Variants in TACC2 observed in about 807,000 individuals in gnomAD.
TACC2 encodes the protein transforming acidic coiled-coil-containing protein 2.
TACC2 carries 137 observed loss-of-function variants against 227.3 expected under a neutral mutation model. That is an observed-to-expected ratio of 0.60 (90% confidence interval 0.52 to 0.69). TACC2 has a LOEUF of 0.69. Ranked by LOEUF, TACC2 falls within the 30% of genes least tolerant of loss-of-function variation. The pLI, the probability that TACC2 is intolerant of heterozygous loss-of-function variation, is 0.00. For synonymous variants in TACC2, 1,523 were observed against 1,487.5 expected (o/e 1.02, Z -0.55); for missense variants, 3,470 against 3,694.4 (o/e 0.94, Z 1.57).
At position 122,230,258 on chromosome 10, in the gene TACC2, AT is replaced by A. The variant is rs2095710917; in HGVS notation, c.8038-89del. The stretch of plus-strand genomic sequence containing the variant: ...TTTTCCCGAGTGCCTGTCATGACAC[AT>A]TTTCGTGGCACGTTCATTTCTCGGA... On this transcript the variant is annotated intron_variant, in intron 15 of 22. Transcript: ENST00000369005. The A allele has an allele frequency of 4.6e-6, 5 of 1,091,008 alleles. No individual in the cohort carries two copies. In the South Asian group the frequency reaches 5.0e-5, roughly 11 times the overall value. 67.6% of individuals were successfully genotyped at this position (1,091,008 alleles called of 1,614,324 possible).
intron 3 of TACC2, among the ~76,000 whole-genome samples, chr10:122,077,114 C>CAA (rs973879242): frequency 0.03 from 1,989 of 66,882 alleles, 43 homozygotes; most frequent in Non-Finnish European, 0.035. Context: ...GACTCTGTCT[C>CAA]AAAAAAAAAA....
chr10:122,125,349 C>T (rs1003395040), intron 5 of TACC2, among the ~76,000 whole-genome samples: 6 of 147,182 alleles, frequency 4.1e-5, no homozygotes, highest in African/African-American at 1.5e-4. Flanking sequence ...GTGTGTGCCA[C>T]CATGCCCAGA....
At position 122,215,466 on chromosome 10, in the gene TACC2, T is replaced by C; in HGVS notation, c.7344+15T>C. 2 of 1,612,510 alleles carry C rather than the reference T, an allele frequency of 1.2e-6. No homozygotes were observed. The highest frequency in any genetic ancestry group is 1.7e-6 in the Non-Finnish European group (2 of 1,178,538). ...CACCTTCCCAGGTACAGTGTTCCTT[T>C]GATCTTGATGGTTTTATGCCCCCCC... is the stretch of plus-strand genomic sequence containing the variant. On this transcript the variant is annotated intron_variant, in intron 10 of 22. Coordinates refer to ENST00000369005, the MANE Select transcript of TACC2 (RefSeq NM_206862.4).
rs557712270 is a variant in TACC2 at position 122,062,188 on chromosome 10, A to C, written c.146+11638A>C. 2.1e-4 allele frequency among the ~76,000 whole-genome samples: 32 copies of C among 152,178 alleles called. 1 individual carries two copies. The highest frequency in any genetic ancestry group is 7.5e-4 in the African/African-American group (31 of 41,538). On this transcript the variant is annotated intron_variant, in intron 3 of 22. Transcript: ENST00000369005. ...GCTGGGACTACAGGTGCCCGCCACC[A>C]CGCCTGGCTAATTTTTTGTATTTTT...
chr10:122,236,440 C>T (rs2095858225), intron 16 of TACC2, among the ~76,000 whole-genome samples: 1 of 152,236 alleles, frequency 6.6e-6, no homozygotes, highest in East Asian at 1.9e-4. Context: ...ATGCATAGGA[C>T]TGAGAGTGTG....
chr10:122,148,640 T>C (rs1249966367), intron 7 of TACC2, among the ~76,000 whole-genome samples: 1 of 152,256 alleles, frequency 6.6e-6, no homozygotes, highest in Non-Finnish European at 1.5e-5. Flanking sequence ...GCACATCTTA[T>C]TACAGAATTG....
rs1489123846 is a variant in TACC2, at chr10:122,194,545, CCTGTGTTTTGAGCT to C, written c.5835-493_5835-480del. 6.6e-6 allele frequency among the ~76,000 whole-genome samples: 1 copy of C among 152,182 alleles called. No homozygotes were observed. Among genetic ancestry groups the C allele is most frequent in the Non-Finnish European group, 1.5e-5 (1 of 68,032 alleles). On this transcript the variant is annotated intron_variant, in intron 7 of 22. Coordinates refer to ENST00000369005, the MANE Select transcript of TACC2 (RefSeq NM_206862.4). This position sits in a 1 kb window ranked among gnomAD's most constrained non-coding sequence, Gnocchi z 4.4. Reference sequence around the variant, plus strand: ...TGTGATAAACAAGGCCGGCTGCCCTCCTGTGTTTTGAGCTCCGTAGAAGAGAAAGACAGTAAACA... The same window carrying C: ...TGTGATAAACAAGGCCGGCTGCCCTCCCGTAGAAGAGAAAGACAGTAAACA...
intron 2 of TACC2, among the ~76,000 whole-genome samples, chr10:122,049,983 G>A (rs1315637534): frequency 2.6e-5 from 4 of 152,078 alleles, no homozygotes; most frequent in Admixed American, 1.3e-4. Flanking sequence ...TTCTTCTTCC[G>A]GTTAGTTTTT....
At chr10:122,114,729 G>A (rs544692834) in intron 5 of TACC2, among the ~76,000 whole-genome samples, 1 of 152,208 alleles carries the variant, frequency 6.6e-6, no homozygotes, top group Admixed American at 6.5e-5. Flanking sequence ...TGTGATCATG[G>A]AATATGACCT....
chr10:122,171,896 T>C (rs1190204737), intron 7 of TACC2, among the ~76,000 whole-genome samples: 2 of 152,234 alleles, frequency 1.3e-5, no homozygotes, highest in Non-Finnish European at 2.9e-5. Flanking sequence ...CTCTGAAGTA[T>C]TTTTTTCTTT....
intron 22 of TACC2, among the ~76,000 whole-genome samples, chr10:122,250,009 A>G (rs982780706): frequency 1.3e-5 from 2 of 152,106 alleles, no homozygotes; most frequent in African/African-American, 2.4e-5. Context: ...GGGTGAGTGG[A>G]TGGGGTGCCC....
rs199568460 is a variant in TACC2 at position 122,211,535 on chromosome 10, C to T, written c.7110C>T (p.Asp2370=). 5.8e-5 allele frequency: 94 copies of T among 1,613,924 alleles called. No individual in the cohort carries two copies. The East Asian group carries it at 1.5e-3, about 26-fold the overall frequency. The change falls in exon 9 of 23, where the codon GAC becomes GAT. Residue 2370 remains aspartate, a synonymous_variant. Coordinates refer to ENST00000369005, the MANE Select transcript of TACC2 (RefSeq NM_206862.4). Reference sequence around the variant, plus strand: ...TGCCCCAACAATCATACAACTTTGACCCAGACACCTGTGATGAGTCCGTTG... The same window carrying T: ...TGCCCCAACAATCATACAACTTTGATCCAGACACCTGTGATGAGTCCGTTG... ...PKLPQQSYNF[D]PDTCDESVDP... is the part of the protein sequence containing the mutation.
chr10:122,008,264 A>ATTATTATTATTATT lies in TACC2; in HGVS notation c.-45-13671_-45-13670insATTATTATTATTTT. Reference sequence around the variant, plus strand: ...TCCCTTTGTTATTATTATTATTATTATTTTTTTTTTTTGAGACAGAATTTT... The same window carrying ATTATTATTATTATT: ...TCCCTTTGTTATTATTATTATTATTATTATTATTATTATTTTTTTTTTTTTTGAGACAGAATTTT... On this transcript the variant is annotated intron_variant, in intron 1 of 22. Coordinates refer to ENST00000369005, the MANE Select transcript of TACC2 (RefSeq NM_206862.4). Among the ~76,000 whole-genome samples the ATTATTATTATTATT allele has an allele frequency of 9.6e-3, 1,288 of 134,590 alleles. 28 individuals are homozygous for ATTATTATTATTATT. Among genetic ancestry groups the ATTATTATTATTATT allele is most frequent in the Middle Eastern group, 0.029 (8 of 272 alleles). 88.3% of individuals were successfully genotyped at this position (134,590 alleles called of 152,430 possible). A position where few individuals can be genotyped will look rare whatever the true frequency, so the allele number is the denominator to read the frequency against.
At chr10:122,128,703 T>C (rs567047927) in intron 5 of TACC2, among the ~76,000 whole-genome samples, 58 of 152,376 alleles carry the variant, frequency 3.8e-4, no homozygotes, top group Non-Finnish European at 7.1e-4. Flanking sequence ...ACATATGGTT[T>C]CTAATTTATT....
intron 1 of TACC2, among the ~76,000 whole-genome samples, chr10:121,994,278 CTTGT>C (rs1353275808): frequency 6.6e-6 from 1 of 152,198 alleles, no homozygotes; most frequent in African/African-American, 2.4e-5. Context: ...AATTTTATGC[CTTGT>C]TTTTTTCTTC....
chr10:122,094,337 T>C (rs777949516), intron 5 of TACC2, among the ~76,000 whole-genome samples: 7 of 152,168 alleles, frequency 4.6e-5, no homozygotes, highest in Non-Finnish European at 1.0e-4. Context: ...AGTGACTTGG[T>C]GAGATTATAG....
At chr10:122,102,079 G>A (rs1263008405) in intron 5 of TACC2, among the ~76,000 whole-genome samples, 1 of 152,024 alleles carries the variant, frequency 6.6e-6, no homozygotes, top group Admixed American at 6.6e-5. Flanking sequence ...CCTACTACAA[G>A]GTACTGTGTG....
intron 1 of TACC2, among the ~76,000 whole-genome samples, chr10:121,993,435 G>C (rs917210277): frequency 6.6e-6 from 1 of 152,106 alleles, no homozygotes; most frequent in African/African-American, 2.4e-5. Flanking sequence ...TGAGAGGGAA[G>C]TCTTCCTCTT....
chr10:122,186,732 C>T (rs1220978553), intron 7 of TACC2, among the ~76,000 whole-genome samples: 2 of 152,084 alleles, frequency 1.3e-5, no homozygotes, highest in South Asian at 2.1e-4. Flanking sequence ...AGGCTGGCCT[C>T]GAACTCCTGG....
Sources: allele counts gnomAD v4.1 joint callset (sites outside exome capture counted in the v4.1 genomes callset), GRCh38; gene constraint gnomAD v4.1.1; non-coding constraint Gnocchi (gnomAD v3.1); transcripts MANE v1.5; gene names NCBI Gene and HGNC (gene_info 2026-07-23, HGNC 2026-07-21).